The following UBASH3B variants were observed in gnomAD, a reference collection of about 807,000 sequenced individuals.
The protein encoded by UBASH3B is ubiquitin-associated and SH3 domain-containing protein B.
Under a neutral mutation model 83.4 loss-of-function variants are expected in UBASH3B, and 37 were observed. The observed-to-expected ratio is 0.44, with a 90% CI of 0.34 to 0.58. The LOEUF (loss-of-function observed/expected upper bound fraction) is 0.58, where lower values mean the gene tolerates loss of function less well. Ranked by LOEUF, UBASH3B falls within the 20% of genes least tolerant of loss-of-function variation. The pLI, the probability that UBASH3B is intolerant of heterozygous loss-of-function variation, is 0.01. For missense variants in UBASH3B, 657 were observed against 827.2 expected (o/e 0.79, Z 2.52); for synonymous variants, 304 against 318.3 (o/e 0.96, Z 0.48).
chr11:122,792,702 G>A (rs924031845), intron 6 of UBASH3B, among the ~76,000 whole-genome samples: 1 of 152,190 alleles, frequency 6.6e-6, no homozygotes, highest in African/African-American at 2.4e-5. Flanking sequence ...TATACTGTGT[G>A]AACGGCACAA....
intron 1 of UBASH3B, among the ~76,000 whole-genome samples, chr11:122,730,914 AC>A (rs1860834227): frequency 6.6e-6 from 1 of 152,028 alleles, no homozygotes; most frequent in African/African-American, 2.4e-5. Flanking sequence ...ATTCTTATTC[AC>A]CTTCTGTCCT....
At chr11:122,682,201 T>A (rs1863749842) in intron 1 of UBASH3B, among the ~76,000 whole-genome samples, 2 of 152,200 alleles carry the variant, frequency 1.3e-5, no homozygotes, top group African/African-American at 4.8e-5. Context: ...TTTTCTTAAA[T>A]AATTAATTAT....
At chr11:122,671,243 G>A (rs991041296) in intron 1 of UBASH3B, among the ~76,000 whole-genome samples, 1 of 152,078 alleles carries the variant, frequency 6.6e-6, no homozygotes, top group African/African-American at 2.4e-5. Flanking sequence ...AAAAATCCAT[G>A]GGCCAGGCGC....
At chr11:122,673,731 T>C (rs1301541020) in intron 1 of UBASH3B, among the ~76,000 whole-genome samples, 1 of 152,130 alleles carries the variant, frequency 6.6e-6, no homozygotes. Context: ...AGAATGCATA[T>C]TTTTTTGCTA....
chr11:122,733,081 T>A (rs1274105230), intron 1 of UBASH3B, among the ~76,000 whole-genome samples: 3 of 152,208 alleles, frequency 2.0e-5, no homozygotes, highest in Admixed American at 6.5e-5. Context: ...TTTTCTCTCT[T>A]TAAAGACTCG....
chr11:122,803,349 C>G (rs1014161070), intron 11 of UBASH3B, among the ~76,000 whole-genome samples: 3 of 152,144 alleles, frequency 2.0e-5, no homozygotes, highest in African/African-American at 7.2e-5. Context: ...CATGTGGTGA[C>G]AGGCAGAAAG....
rs561715824 is a variant in UBASH3B, at chr11:122,714,702, C to T, written c.161+58492C>T. Among the ~76,000 whole-genome samples the T allele has an allele frequency of 9.8e-5, 15 of 152,290 alleles. No individual in the cohort carries two copies. The South Asian group carries it at 2.9e-3, about 29-fold the overall frequency. The stretch of plus-strand genomic sequence containing the variant: ...TGGTGAGAATTAAGCCTGAAATGTG[C>T]TTCCTCTTTCCATCTTCGCACAGAG... On this transcript the variant is annotated intron_variant, in intron 1 of 13. Transcript: ENST00000284273.
intron 1 of UBASH3B, among the ~76,000 whole-genome samples, chr11:122,753,550 G>C (rs1861235100): frequency 7.0e-6 from 1 of 143,528 alleles, no homozygotes; most frequent in Non-Finnish European, 1.5e-5. Flanking sequence ...CCAGGCTGGA[G>C]TGAAATGGCG....
intron 4 of UBASH3B, 29 bp downstream of exon 4, chr11:122,779,724 G>A (rs754961872): frequency 3.7e-6 from 6 of 1,612,988 alleles, no homozygotes; most frequent in African/African-American, 1.3e-5. Context: ...GGCCAGCCCT[G>A]GGCCCTGTCA....
In UBASH3B at chr11:122,756,885, T is replaced by A. The variant is rs150954392; in HGVS notation, c.162-19334T>A. Among the ~76,000 whole-genome samples the A allele has an allele frequency of 3.9e-3, 594 of 152,330 alleles. 1 individual carries two copies. Among genetic ancestry groups the A allele is most frequent in the African/African-American group, 0.014 (562 of 41,564 alleles). ...AAAAGACAGAGACTCAGCATGGTAA[T>A]GTGCCAAGAGCACAATTTGGGGAGT... is the stretch of plus-strand genomic sequence containing the variant. On this transcript the variant is annotated intron_variant, in intron 1 of 13. Transcript: ENST00000284273.
At chr11:122,784,089 C>T (rs547642741) in intron 5 of UBASH3B, among the ~76,000 whole-genome samples, 2 of 152,128 alleles carry the variant, frequency 1.3e-5, no homozygotes, top group South Asian at 2.1e-4. Context: ...TACAGGCACC[C>T]GCCACCACAC....
At chr11:122,711,751 C>A (rs1864195558) in intron 1 of UBASH3B, among the ~76,000 whole-genome samples, 1 of 152,176 alleles carries the variant, frequency 6.6e-6, no homozygotes, top group South Asian at 2.1e-4. Flanking sequence ...CTTTGCATTT[C>A]CATCTCTAAA....
rs907182098 is a variant in UBASH3B at position 122,759,234 on chromosome 11, C to A, written c.162-16985C>A. Among the ~76,000 whole-genome samples, 1 of 152,232 alleles carries A rather than the reference C, an allele frequency of 6.6e-6. No homozygotes were observed. The highest frequency in any genetic ancestry group is 1.5e-5 in the Non-Finnish European group (1 of 68,046). On this transcript the variant is annotated intron_variant, in intron 1 of 13. Transcript: ENST00000284273. This position sits in a 1 kb window ranked among gnomAD's most constrained non-coding sequence, Gnocchi z 4.1. The stretch of plus-strand genomic sequence containing the variant: ...GCTACAAGCCACTCTCAGGTCCTAA[C>A]GAGGCTGCCTGCAGTTCCTTGCCAC...
intron 1 of UBASH3B, among the ~76,000 whole-genome samples, chr11:122,681,998 C>T (rs1863745440): frequency 6.6e-6 from 1 of 152,062 alleles, no homozygotes; most frequent in Non-Finnish European, 1.5e-5. Context: ...GCCCAGCTGT[C>T]AGAACAAGAT....
Position 122,766,419 on chromosome 11 carries a change from C to T in UBASH3B, c.162-9800C>T, listed in dbSNP as rs377022645. 6.8e-3 allele frequency among the ~76,000 whole-genome samples: 1,031 copies of T among 152,302 alleles called. 12 individuals are homozygous for T. The highest frequency in any genetic ancestry group is 0.024 in the African/African-American group (992 of 41,572). On this transcript the variant is annotated intron_variant, in intron 1 of 13. Transcript: ENST00000284273. ...AATTAGCCAGGCGAGGTAGCGGGCG[C>T]CTGTAGTCCCAGCTACTCCAGAGGC...
rs1167090742 is a variant in UBASH3B at position 122,812,621 on chromosome 11, A to C, written c.*2735A>C. 3.3e-5 allele frequency: 5 copies of C among 152,260 alleles called. No homozygotes were observed. Among genetic ancestry groups the C allele is most frequent in the Non-Finnish European group, 7.3e-5 (5 of 68,046 alleles). The allele number at this position is 152,260 out of a possible 1,614,324, so 9.4% of individuals were successfully genotyped here. A position where few individuals can be genotyped will look rare whatever the true frequency, so the allele number is the denominator to read the frequency against. ...TTAATGTAGAAAGTTATTTGAAATA[A>C]ACTAGGTGAAATGAAATTAACTAAA... is the stretch of plus-strand genomic sequence containing the variant. On this transcript the variant is annotated 3_prime_UTR_variant, in exon 14 of 14. Coordinates refer to ENST00000284273, the MANE Select transcript of UBASH3B (RefSeq NM_032873.5).
chr11:122,690,305 CATAT>C (rs35794002), intron 1 of UBASH3B, among the ~76,000 whole-genome samples: 475 of 129,080 alleles, frequency 3.7e-3, no homozygotes, highest in African/African-American at 0.012. Flanking sequence ...TCCAATTATA[CATAT>C]ATATATATAT....
intron 1 of UBASH3B, among the ~76,000 whole-genome samples, chr11:122,665,612 T>C (rs1412169301): frequency 3.3e-5 from 5 of 152,232 alleles, no homozygotes; most frequent in African/African-American, 4.8e-5. Flanking sequence ...CAGTGCTTTA[T>C]GGTCAAATTC....
chr11:122,660,990 C>T (rs555318530), intron 1 of UBASH3B, among the ~76,000 whole-genome samples: 44 of 152,140 alleles, frequency 2.9e-4, no homozygotes, highest in Non-Finnish European at 5.3e-4. Flanking sequence ...TCATGTGTCA[C>T]GGGCCTTTCC....
Sources: gnomAD v4.1 joint callset for allele counts (sites outside exome capture counted in the v4.1 genomes callset) on GRCh38, gnomAD v4.1.1 for gene constraint, Gnocchi (gnomAD v3.1) non-coding constraint, MANE v1.5 for transcripts, NCBI Gene and HGNC (gene_info 2026-07-23, HGNC 2026-07-21) for gene names.